The following RNF150 variants were observed in gnomAD, a reference collection of about 807,000 sequenced individuals.
RNF150 encodes the protein ring finger protein 150.
In RNF150, 24 loss-of-function variants were observed where a neutral mutation model predicts 39.3. That is an observed-to-expected ratio of 0.61 (90% CI 0.44 to 0.86). RNF150 has a LOEUF of 0.86. RNF150 is among the 40% of genes least tolerant of loss of function. The pLI is 0.00. For synonymous variants in RNF150, 255 were observed against 227.3 expected, an observed-to-expected ratio of 1.12 and a Z score of -1.10; for missense variants, 502 against 587.8, an observed-to-expected ratio of 0.85 and a Z score of 1.51.
At chr4:140,976,531 C>T (rs1233772181) in intron 1 of RNF150, among the ~76,000 whole-genome samples, 2 of 151,966 alleles carry the variant, frequency 1.3e-5, no homozygotes, top group Non-Finnish European at 1.5e-5. Flanking sequence ...TATCCTGGAC[C>T]TTGTCAGCAC....
chr4:141,186,649 C>A (rs905302466), intron 1 of RNF150, among the ~76,000 whole-genome samples: 1 of 152,112 alleles, frequency 6.6e-6, no homozygotes, highest in Admixed American at 6.6e-5. Context: ...TAGTGATCCA[C>A]CTGCCTCAGC....
At chr4:140,998,565 A>G (rs2111494677) in intron 1 of RNF150, among the ~76,000 whole-genome samples, 1 of 152,306 alleles carries the variant, frequency 6.6e-6, no homozygotes, top group Non-Finnish European at 1.5e-5. Flanking sequence ...GATTAATACC[A>G]TTACCATCAA....
At chr4:141,165,298 C>T (rs563983676) in intron 1 of RNF150, among the ~76,000 whole-genome samples, 10 of 152,236 alleles carry the variant, frequency 6.6e-5, no homozygotes, top group African/African-American at 1.9e-4. Flanking sequence ...ATTCATAAAG[C>T]AAATTCTTAG....
intron 6 of RNF150, among the ~76,000 whole-genome samples, chr4:140,888,326 T>G (rs1404083961): frequency 6.6e-6 from 1 of 152,144 alleles, no homozygotes. Context: ...AACAATAAAT[T>G]ACTGAAATTC....
Position 140,865,987 on chromosome 4 carries a change from G to T in RNF150, c.*2274C>A, listed in dbSNP as rs1728693598. The T allele has an allele frequency of 6.6e-6, 1 of 152,002 alleles. No individual in the cohort carries two copies. Among genetic ancestry groups the T allele is most frequent in the African/African-American group, 2.4e-5 (1 of 41,258 alleles). 9.4% of individuals were successfully genotyped at this position (152,002 alleles called of 1,614,324 possible). A position where few individuals can be genotyped will look rare whatever the true frequency, so the allele number is the denominator to read the frequency against. Reference sequence around the variant, plus strand: ...GGAGTCAGTGGCGCAAGCCTATGCTGACTGTGAAAAATAAACACCTCTGAG... The same window carrying T: ...GGAGTCAGTGGCGCAAGCCTATGCTTACTGTGAAAAATAAACACCTCTGAG... On this transcript the variant is annotated 3_prime_UTR_variant, in exon 7 of 7. Coordinates refer to ENST00000515673, the MANE Select transcript of RNF150 (RefSeq NM_020724.2).
intron 6 of RNF150, among the ~76,000 whole-genome samples, chr4:140,896,696 A>AAAC (rs1729960146): frequency 1.2e-5 from 1 of 81,442 alleles, no homozygotes; most frequent in South Asian, 4.2e-4. Context: ...ATAAAAAAAA[A>AAAC]AAAACAAAAA....
chr4:140,891,434 T>G (rs1435982842), intron 6 of RNF150, among the ~76,000 whole-genome samples: 1 of 152,160 alleles, frequency 6.6e-6, no homozygotes, highest in Non-Finnish European at 1.5e-5. Flanking sequence ...CAAGGACCAC[T>G]GTGGGAGGAA....
At chr4:140,948,384 T>C (rs987592731) in intron 3 of RNF150, among the ~76,000 whole-genome samples, 2 of 152,028 alleles carry the variant, frequency 1.3e-5, no homozygotes, top group Non-Finnish European at 2.9e-5. Flanking sequence ...ATATATGGAG[T>C]TGTAAATCCC....
chr4:140,906,322 C>T (rs1730371917), intron 6 of RNF150, among the ~76,000 whole-genome samples: 1 of 151,756 alleles, frequency 6.6e-6, no homozygotes, highest in Non-Finnish European at 1.5e-5. Context: ...AAAAAAAACC[C>T]AACAAAAATA....
At chr4:141,095,851 T>C (rs567097282) in intron 1 of RNF150, among the ~76,000 whole-genome samples, 1 of 152,346 alleles carries the variant, frequency 6.6e-6, no homozygotes, top group East Asian at 1.9e-4. Flanking sequence ...TGCTGTTTCT[T>C]AATAATTTAG....
upstream of RNF150, among the ~76,000 whole-genome samples, chr4:141,136,720 CAG>C (rs1727033028): frequency 6.6e-6 from 1 of 152,268 alleles, no homozygotes; most frequent in East Asian, 1.9e-4. Context: ...TGAAACAAAA[CAG>C]ATAAGATTCT....
intron 1 of RNF150, among the ~76,000 whole-genome samples, chr4:141,180,250 C>T (rs1727883360): frequency 6.6e-6 from 1 of 152,164 alleles, no homozygotes; most frequent in Non-Finnish European, 1.5e-5. Context: ...AACCTATTCT[C>T]ATACACCCAT....
At chr4:141,112,463 G>A (rs1026776174) in intron 1 of RNF150, among the ~76,000 whole-genome samples, 10 of 152,134 alleles carry the variant, frequency 6.6e-5, no homozygotes, top group African/African-American at 2.4e-4. Flanking sequence ...TGTAAAGGAT[G>A]TTATTTTCTC....
intron 3 of RNF150, 54 bp from the exon 4 acceptor site, chr4:140,947,790 A>T (rs1732380715): frequency 7.8e-7 from 1 of 1,288,560 alleles, no homozygotes; most frequent in South Asian, 1.4e-5. Context: ...TCTCTTGTGT[A>T]AATATCCAAG....
At chr4:141,093,169 A>G (rs530126306) in intron 1 of RNF150, among the ~76,000 whole-genome samples, 2 of 152,262 alleles carry the variant, frequency 1.3e-5, no homozygotes, top group African/African-American at 4.8e-5. Flanking sequence ...GATCAAGACC[A>G]TCCTGGCTAA....
intron 1 of RNF150, among the ~76,000 whole-genome samples, chr4:141,126,773 ATTTTAGAGCTGAAATACCTC>A (rs1029261408): frequency 3.3e-5 from 5 of 152,204 alleles, no homozygotes; most frequent in African/African-American, 9.6e-5. Context: ...TAAAGAATAA[ATTTTAGAGCTGAAATACCTC>A]TTAGAGATCA....
intron 4 of RNF150, among the ~76,000 whole-genome samples, chr4:140,939,606 TTGTGTGTGTGTG>T (rs142516967): frequency 0.17 from 23,277 of 138,294 alleles, 1,834 homozygotes; most frequent in Admixed American, 0.26. Flanking sequence ...CAAGTGGAGT[TTGTGTGTGTGTG>T]TGTGTGTGTG....
chr4:141,191,096 A>T (rs182445500), intron 1 of RNF150, among the ~76,000 whole-genome samples: 2 of 152,328 alleles, frequency 1.3e-5, no homozygotes, highest in African/African-American at 4.8e-5. Flanking sequence ...ATGGGTCCTT[A>T]AATCCATGCA....
At position 140,913,657 on chromosome 4, in the gene RNF150, T is replaced by A. The variant is rs11732171; in HGVS notation, c.988-2303A>T. On this transcript the variant is annotated intron_variant, in intron 5 of 6. Transcript: ENST00000515673. ...AGGTACTTCTCCCATGCTGTATGGC[T>A]ATTGTTAATGTGCTGATCTCACTCT... 2.0e-3 allele frequency among the ~76,000 whole-genome samples: 299 copies of A among 152,092 alleles called. 1 individual carries two copies. The highest frequency in any genetic ancestry group is 6.6e-3 in the African/African-American group (272 of 41,498).
Sources: allele counts gnomAD v4.1 joint callset (sites outside exome capture counted in the v4.1 genomes callset), GRCh38; gene constraint gnomAD v4.1.1; transcripts MANE v1.5; gene names NCBI Gene and HGNC (gene_info 2026-07-23, HGNC 2026-07-21).